CCDC195: variants seen among roughly 807,000 people sequenced by gnomAD.
CCDC195 encodes the protein coiled-coil domain containing 195.
At chr2:224,708,199 A>G (rs1689252316) in intron 2 of CCDC195, among the ~76,000 whole-genome samples, 2 of 152,178 alleles carry the variant, frequency 1.3e-5, no homozygotes, top group African/African-American at 4.8e-5. Context: ...AGCAAATATG[A>G]TAAAACTTTT....
chr2:224,704,837 G>A lies in CCDC195; in HGVS notation c.483-950C>T, dbSNP rs184174170. ...AGTTTTCGCCATGTTGGCCAGGCTCGTCTTGAACTCTTGACTTCAAGTGAT... is the reference window on the plus strand; with the variant it reads ...AGTTTTCGCCATGTTGGCCAGGCTCATCTTGAACTCTTGACTTCAAGTGAT... On this transcript the variant is annotated intron_variant, in intron 2 of 2. Transcript: ENST00000638102. 3.7e-3 allele frequency among the ~76,000 whole-genome samples: 563 copies of A among 152,128 alleles called. 4 individuals are homozygous for A. Among genetic ancestry groups the A allele is most frequent in the African/African-American group, 0.012 (494 of 41,510 alleles).
intron 2 of CCDC195, among the ~76,000 whole-genome samples, chr2:224,708,683 C>T (rs1030752200): frequency 6.6e-6 from 1 of 152,318 alleles, no homozygotes; most frequent in South Asian, 2.1e-4. Flanking sequence ...TTCCTACAGG[C>T]CTCTTGCTTA....
At chr2:224,705,224 G>T (rs555448198) in intron 2 of CCDC195, among the ~76,000 whole-genome samples, 54 of 152,228 alleles carry the variant, frequency 3.5e-4, no homozygotes, top group Admixed American at 2.8e-3. Context: ...TTTGGAAAAG[G>T]AGAGAATATA....
chr2:224,704,364 T>C (rs568648390), intron 2 of CCDC195, among the ~76,000 whole-genome samples: 5 of 152,288 alleles, frequency 3.3e-5, no homozygotes, highest in Admixed American at 3.3e-4. Flanking sequence ...ATCTGAGGGA[T>C]TATATCTTTT....
intron 1 of CCDC195, among the ~76,000 whole-genome samples, chr2:224,711,842 G>A (rs952469092): frequency 1.3e-5 from 2 of 152,076 alleles, no homozygotes; most frequent in African/African-American, 2.4e-5. Context: ...AGAGGTCTAG[G>A]GAGAGTTTAA....
intron 2 of CCDC195, among the ~76,000 whole-genome samples, chr2:224,706,068 A>G (rs764041767): frequency 6.6e-6 from 1 of 152,074 alleles, no homozygotes; most frequent in Non-Finnish European, 1.5e-5. Context: ...TATACACTGT[A>G]TAATTTCAAC....
intron 1 of CCDC195, among the ~76,000 whole-genome samples, chr2:224,710,942 T>G (rs528402131): frequency 6.6e-6 from 1 of 152,278 alleles, no homozygotes; most frequent in South Asian, 2.1e-4. Flanking sequence ...AATACAGCAT[T>G]AGAACAGGGG....
chr2:224,714,564 G>A (rs1414321938), intron 1 of CCDC195, among the ~76,000 whole-genome samples: 1 of 152,120 alleles, frequency 6.6e-6, no homozygotes, highest in Non-Finnish European at 1.5e-5. Context: ...AGAGGCCAGG[G>A]AAGCTGCTAA....
intron 2 of CCDC195, among the ~76,000 whole-genome samples, chr2:224,704,196 C>A (rs1356270837): frequency 6.6e-6 from 1 of 152,136 alleles, no homozygotes; most frequent in Admixed American, 6.5e-5. Context: ...CATTCTTAGG[C>A]AAAAGTCTCT....
intron 1 of CCDC195, among the ~76,000 whole-genome samples, chr2:224,715,087 C>T (rs762972918): frequency 2.0e-5 from 3 of 152,038 alleles, no homozygotes; most frequent in Non-Finnish European, 2.9e-5. Flanking sequence ...CGCCACCACG[C>T]CTGACTAATT....
At chr2:224,716,104 C>T (rs115291132) in intron 1 of CCDC195, 27 bp downstream of exon 1, 810 of 398,414 alleles carry the variant, frequency 2.0e-3, no homozygotes, top group Non-Finnish European at 2.9e-3. Flanking sequence ...TGGGCACAGC[C>T]CACAAGAGCT....
chr2:224,715,248 TTTAA>T (rs1336613952), intron 1 of CCDC195, among the ~76,000 whole-genome samples: 1 of 152,222 alleles, frequency 6.6e-6, no homozygotes, highest in Non-Finnish European at 1.5e-5. Flanking sequence ...GTTTTGAGTA[TTTAA>T]TTATGTATAT....
intron 2 of CCDC195, among the ~76,000 whole-genome samples, chr2:224,705,036 T>C (rs1697226330): frequency 6.6e-6 from 1 of 152,154 alleles, no homozygotes; most frequent in Admixed American, 6.5e-5. Context: ...CCACCTCATT[T>C]ACTCTTCACA....
In CCDC195 at chr2:224,710,239, T is replaced by C. The variant is rs939628774; in HGVS notation, c.236-20A>G. 8 of 398,430 alleles carry C rather than the reference T, an allele frequency of 2.0e-5. No individual in the cohort carries two copies. The highest frequency in any genetic ancestry group is 6.3e-4 in the Middle Eastern group (1 of 1,588). 24.7% of individuals were successfully genotyped at this position (398,430 alleles called of 1,614,324 possible). ...CATTGCCTGTACAAAAGACACAAAA[T>C]CCAACTTAAAAAAATTCTACCCTAA... On this transcript the variant is annotated intron_variant, in intron 1 of 2. Transcript: ENST00000638102.
intron 2 of CCDC195, among the ~76,000 whole-genome samples, chr2:224,705,052 T>A (rs551109788): frequency 1.1e-4 from 17 of 152,278 alleles, no homozygotes; most frequent in African/African-American, 4.1e-4. Flanking sequence ...TCACAAAAAC[T>A]ATGAGGTATC....
intron 2 of CCDC195, among the ~76,000 whole-genome samples, chr2:224,705,516 TATG>T (rs548052485): frequency 1.5e-3 from 224 of 152,326 alleles, no homozygotes; most frequent in African/African-American, 5.3e-3. Context: ...GCAAATTGGT[TATG>T]ATGTCTGATA....
chr2:224,712,141 A>G (rs1390009771), intron 1 of CCDC195, among the ~76,000 whole-genome samples: 1 of 152,210 alleles, frequency 6.6e-6, no homozygotes. Context: ...GTTCATCTCC[A>G]TGGGTCACAA....
At chr2:224,707,413 G>A (rs953618046) in intron 2 of CCDC195, among the ~76,000 whole-genome samples, 2 of 152,110 alleles carry the variant, frequency 1.3e-5, no homozygotes, top group South Asian at 4.1e-4. Flanking sequence ...CCTACCCAGG[G>A]CTTCTGCATT....
At chr2:224,706,145 T>C (rs2124847039) in intron 2 of CCDC195, among the ~76,000 whole-genome samples, 1 of 147,908 alleles carries the variant, frequency 6.8e-6, no homozygotes, top group Admixed American at 6.9e-5. Context: ...AAGAGTTTTG[T>C]TTTTAAACAT....
Sources: allele counts gnomAD v4.1 joint callset (sites outside exome capture counted in the v4.1 genomes callset), GRCh38; gene constraint gnomAD v4.1.1; transcripts MANE v1.5; gene names NCBI Gene and HGNC (gene_info 2026-07-23, HGNC 2026-07-21).